The following ZBBX variants were observed in gnomAD, a reference collection of about 807,000 sequenced individuals.
The protein encoded by ZBBX is zinc finger B-box domain-containing protein 1.
A neutral mutation model predicts 108.5 loss-of-function variants in ZBBX; 101 were observed. The observed-to-expected ratio is 0.93, with a 90% CI of 0.79 to 1.10. The LOEUF (loss-of-function observed/expected upper bound fraction) is 1.10. Ranked by LOEUF, ZBBX falls within the 50% of genes least tolerant of loss-of-function variation. ZBBX has a pLI of 0.00. For missense variants in ZBBX, 1,009 were observed against 941.4 expected (o/e 1.07, Z -0.94); for synonymous variants, 356 against 323.4 (o/e 1.10, Z -1.08).
At chr3:167,353,854 T>C (rs1743074587) in intron 8 of ZBBX, among the ~76,000 whole-genome samples, 1 of 151,966 alleles carries the variant, frequency 6.6e-6, no homozygotes, top group Non-Finnish European at 1.5e-5. Context: ...AATCCTACCA[T>C]GTGGCTCAAA....
chr3:167,329,894 G>A, intron 10 of ZBBX, among the ~76,000 whole-genome samples: 1 of 152,142 alleles, frequency 6.6e-6, no homozygotes, highest in East Asian at 1.9e-4. Context: ...TGGCTGCAAG[G>A]AAACCAATTA....
the ZBBX span, among the ~76,000 whole-genome samples, chr3:167,230,835 T>A: frequency 6.6e-6 from 1 of 151,862 alleles, no homozygotes; most frequent in African/African-American, 2.4e-5. Flanking sequence ...TATGATCTTA[T>A]CTTCATTTTT....
At chr3:167,288,065 T>C (rs1016599746) in intron 19 of ZBBX, among the ~76,000 whole-genome samples, 2 of 152,114 alleles carry the variant, frequency 1.3e-5, no homozygotes, top group African/African-American at 4.8e-5. Flanking sequence ...GATCAGGGAA[T>C]ATTACTTACA....
At chr3:167,405,902 T>A (rs892651158) in intron 1 of ZBBX, among the ~76,000 whole-genome samples, 5 of 152,128 alleles carry the variant, frequency 3.3e-5, no homozygotes, top group African/African-American at 1.2e-4. Context: ...AAACCCCGTC[T>A]CTACTAAAAA....
intron 10 of ZBBX, among the ~76,000 whole-genome samples, chr3:167,329,153 T>C (rs907778171): frequency 1.3e-5 from 2 of 152,022 alleles, no homozygotes; most frequent in Non-Finnish European, 2.9e-5. Context: ...ATAAATCCAG[T>C]CCAAGCACAC....
At chr3:167,237,774 T>C (rs1720290444), downstream of ZBBX, among the ~76,000 whole-genome samples, 1 of 151,956 alleles carries the variant, frequency 6.6e-6, no homozygotes, top group South Asian at 2.1e-4. Context: ...TGACAATTTT[T>C]TTATCTCAGA....
rs1383742866 is a variant in ZBBX, at chr3:167,292,528, ATC to A, written c.1880-3547_1880-3546del. Among the ~76,000 whole-genome samples, 13 of 152,214 alleles carry A rather than the reference ATC, an allele frequency of 8.5e-5. 1 individual carries two copies. The highest frequency in any genetic ancestry group is 3.1e-4 in the African/African-American group (13 of 41,446). On this transcript the variant is annotated intron_variant, in intron 18 of 21. Coordinates refer to ENST00000675490, the MANE Select transcript of ZBBX (RefSeq NM_001199201.2). Reference sequence around the variant, plus strand: ...GAGAACAAAGACATAATGTACCAGAATCTCTGGGACACATTTAATGCAGTGTG... The same window carrying A: ...GAGAACAAAGACATAATGTACCAGAATCTGGGACACATTTAATGCAGTGTG...
rs1745699296 is a variant in ZBBX at position 167,368,614 on chromosome 3, A to C, written c.69-40T>G. On this transcript the variant is annotated intron_variant, in intron 4 of 21. Coordinates refer to ENST00000675490, the MANE Select transcript of ZBBX (RefSeq NM_001199201.2). ...TTTAAATGGAGAAAGCAGAAAAACA[A>C]GCGAAGCCAAAATAATTTTATATAA... The C allele has an allele frequency of 4.1e-6, 6 of 1,473,282 alleles. No individual in the cohort carries two copies. In the East Asian group the frequency reaches 1.5e-4, roughly 36 times the overall value. The allele number at this position is 1,473,282 out of a possible 1,614,324, so 91.3% of individuals were successfully genotyped here.
At chr3:167,327,233 A>C (rs1009014037) in intron 11 of ZBBX, among the ~76,000 whole-genome samples, 1 of 140,368 alleles carries the variant, frequency 7.1e-6, no homozygotes, top group African/African-American at 2.7e-5. Context: ...GTGGTCCTTA[A>C]AATTGTATTT....
At chr3:167,284,893 T>C (rs145022266) in intron 19 of ZBBX, among the ~76,000 whole-genome samples, 1 of 152,214 alleles carries the variant, frequency 6.6e-6, no homozygotes, top group Non-Finnish European at 1.5e-5. Context: ...TACGGTTAAG[T>C]TTAAGATATA....
At chr3:167,393,542 G>C (rs1014418347) in intron 1 of ZBBX, among the ~76,000 whole-genome samples, 1 of 151,828 alleles carries the variant, frequency 6.6e-6, no homozygotes, top group Non-Finnish European at 1.5e-5. Flanking sequence ...AAGAAATAAA[G>C]TAATAATGTT....
chr3:167,288,105 G>A (rs1266933946), intron 19 of ZBBX, among the ~76,000 whole-genome samples: 3 of 152,014 alleles, frequency 2.0e-5, no homozygotes, highest in East Asian at 3.9e-4. Context: ...GCCAATCCAA[G>A]TGCTAATATC....
chr3:167,193,639 T>C, the ZBBX span, among the ~76,000 whole-genome samples: 1 of 152,168 alleles, frequency 6.6e-6, no homozygotes, highest in Non-Finnish European at 1.5e-5. Context: ...TTGGTGGTTC[T>C]CCCATGTTCT....
In ZBBX at chr3:167,280,304, G is replaced by C. The variant is rs190598828; in HGVS notation, c.2254+1934C>G. On this transcript the variant is annotated intron_variant, in intron 20 of 21. Transcript: ENST00000675490. ...AGCAAAAAAAAAAAAACTACCATCA[G>C]AGTGAACAGGTAACCTATAAAATGG... Among the ~76,000 whole-genome samples, 585 of 150,540 alleles carry C rather than the reference G, an allele frequency of 3.9e-3. 2 individuals carry two copies. Among genetic ancestry groups the C allele is most frequent in the Non-Finnish European group, 6.8e-3 (463 of 67,768 alleles).
the ZBBX span, among the ~76,000 whole-genome samples, chr3:167,230,728 G>A: frequency 2.6e-5 from 4 of 151,796 alleles, no homozygotes; most frequent in African/African-American, 9.7e-5. Flanking sequence ...GTTAGGCAGT[G>A]ACCTGATCAA....
intron 11 of ZBBX, among the ~76,000 whole-genome samples, chr3:167,326,224 A>G (rs1452408156): frequency 6.6e-6 from 1 of 152,170 alleles, no homozygotes; most frequent in Non-Finnish European, 1.5e-5. Flanking sequence ...CTCTATTTAG[A>G]TGGCCAGTTG....
In ZBBX at chr3:167,313,981, A is replaced by T. The variant is rs758352137; in HGVS notation, c.1410T>A (p.Asn470Lys). The change falls in exon 16 of 22, where the codon AAT becomes AAA. Residue 470 changes from asparagine to lysine, a missense_variant. Coordinates refer to ENST00000675490, the MANE Select transcript of ZBBX (RefSeq NM_001199201.2). ...CAACAAGAAAAATGTTACCTTTTGA[A>T]TTATCTTTATAATAAGTAGAGCTGT... The part of the protein sequence containing the change: ...LRNSSTYYKD[N>K]SKAETSNTDF... The T allele has an allele frequency of 6.3e-7, 1 of 1,578,822 alleles. No individual in the cohort carries two copies. Among genetic ancestry groups the T allele is most frequent in the Admixed American group, 1.9e-5 (1 of 53,428 alleles).
At chr3:167,213,703 A>G in the ZBBX span, among the ~76,000 whole-genome samples, 2 of 152,122 alleles carry the variant, frequency 1.3e-5, no homozygotes, top group African/African-American at 4.8e-5. Flanking sequence ...GAACTCCTGC[A>G]AGATTCTACA....
the ZBBX span, among the ~76,000 whole-genome samples, chr3:167,182,117 C>T: frequency 2.6e-4 from 40 of 152,138 alleles, no homozygotes; most frequent in Non-Finnish European, 4.4e-4. Flanking sequence ...CAGCCTGACT[C>T]GCTGATTTTT....
Sources: gnomAD v4.1 joint callset for allele counts (sites outside exome capture counted in the v4.1 genomes callset) on GRCh38, gnomAD v4.1.1 for gene constraint, MANE v1.5 for transcripts, NCBI Gene and HGNC (gene_info 2026-07-23, HGNC 2026-07-21) for gene names.